The following AKAP13 variants were observed in gnomAD, a reference collection of about 807,000 sequenced individuals.
AKAP13 encodes the protein A-kinase anchoring protein 13.
AKAP13 carries 80 observed loss-of-function variants against 264.5 expected under a neutral mutation model. The observed-to-expected ratio is 0.30, with a 90% CI of 0.25 to 0.36. The LOEUF is 0.36. AKAP13 is among the 10% of genes least tolerant of loss of function. The pLI is 1.00. For synonymous variants in AKAP13, 1,380 were observed against 1,250.2 expected, an observed-to-expected ratio of 1.10 and a Z score of -2.19; for missense variants, 3,712 against 3,435.2, an observed-to-expected ratio of 1.08 and a Z score of -2.01.
At chr15:85,634,949 A>C (rs999621094) in intron 8 of AKAP13, 2 of 390,412 alleles carry the variant, frequency 5.1e-6, no homozygotes, top group African/African-American at 4.1e-5. Context: ...TGGATATATT[A>C]TAATTTGCTT....
At chr15:85,664,284 G>A (rs2083484380) in intron 12 of AKAP13, among the ~76,000 whole-genome samples, 1 of 152,138 alleles carries the variant, frequency 6.6e-6, no homozygotes, top group African/African-American at 2.4e-5. Flanking sequence ...TGTCCATATA[G>A]TGTGTAGAAA....
In AKAP13 at chr15:85,744,976, G is replaced by C. The variant is rs1205002802; in HGVS notation, c.*299G>C. Reference sequence around the variant, plus strand: ...CTCGTAAGTACAGGTGATGGTTTTGGACACGTCAGGAATTCCTAAAGGCTG... The same window carrying C: ...CTCGTAAGTACAGGTGATGGTTTTGCACACGTCAGGAATTCCTAAAGGCTG... On this transcript the variant is annotated 3_prime_UTR_variant, in exon 37 of 37. Transcript: ENST00000394518. 1 of 299,262 alleles carries C rather than the reference G, an allele frequency of 3.3e-6. No individual in the cohort carries two copies. The highest frequency in any genetic ancestry group is 6.4e-5 in the East Asian group (1 of 15,602). 18.5% of individuals were successfully genotyped at this position (299,262 alleles called of 1,614,324 possible).
intron 30 of AKAP13, among the ~76,000 whole-genome samples, chr15:85,732,478 T>G (rs1159052316): frequency 2.0e-5 from 3 of 149,698 alleles, no homozygotes; most frequent in African/African-American, 7.3e-5. Context: ...ATTATATGTT[T>G]TACATCATAT....
In AKAP13 at chr15:85,744,954, G is replaced by GT. The variant is rs2089324048; in HGVS notation, c.*278dup. On this transcript the variant is annotated 3_prime_UTR_variant, in exon 37 of 37. Transcript: ENST00000394518. ...GGATTACACTGAAAGTAATGGCCTC[G>GT]TAAGTACAGGTGATGGTTTTGGACA... 2.8e-6 allele frequency: 1 copy of GT among 354,672 alleles called. No homozygotes were observed. 22.0% of individuals were successfully genotyped at this position (354,672 alleles called of 1,614,324 possible). A position where few individuals can be genotyped will look rare whatever the true frequency, so the allele number is the denominator to read the frequency against.
chr15:85,394,870 G>C (rs2071037928), intron 1 of AKAP13, among the ~76,000 whole-genome samples: 1 of 152,198 alleles, frequency 6.6e-6, no homozygotes, highest in South Asian at 2.1e-4. Flanking sequence ...CATGAAATGG[G>C]ACAGAGGTTA....
rs374444030 is a variant in AKAP13 at position 85,740,960 on chromosome 15, G to C, written c.7609-86G>C. 7 of 1,513,724 alleles carry C rather than the reference G, an allele frequency of 4.6e-6. No individual in the cohort carries two copies. The East Asian group carries it at 9.1e-5, about 20-fold the overall frequency. The allele number at this position is 1,513,724 out of a possible 1,614,324, so 93.8% of individuals were successfully genotyped here. On this transcript the variant is annotated intron_variant, in intron 34 of 36. Transcript: ENST00000394518. ...GTTCTAGTCCGTCATAGTGCCTGGT[G>C]CCCCCTGCTGTGGGGTCGGGAGGGA...
chr15:85,568,971 A>G (rs944339538), intron 5 of AKAP13, among the ~76,000 whole-genome samples: 1 of 152,208 alleles, frequency 6.6e-6, no homozygotes. Flanking sequence ...GAACTAGACC[A>G]GTGCCTGTAG....
intron 26 of AKAP13, 38 bp downstream of exon 26, chr15:85,723,358 G>A (rs1597179235): frequency 1.3e-6 from 2 of 1,590,458 alleles, no homozygotes; most frequent in South Asian, 1.1e-5. Context: ...ATGTGCCCAG[G>A]TAAAACAGGC....
At chr15:85,487,155 G>GC (rs1422385619) in intron 2 of AKAP13, among the ~76,000 whole-genome samples, 1 of 152,184 alleles carries the variant, frequency 6.6e-6, no homozygotes, top group African/African-American at 2.4e-5. Context: ...AACTTGTTTG[G>GC]CCACAGTTTT....
chr15:85,580,855 T>A lies in AKAP13; in HGVS notation c.2787T>A (p.Asp929Glu), dbSNP rs961958256. 6.8e-6 allele frequency: 11 copies of A among 1,614,032 alleles called. No individual in the cohort carries two copies. Among genetic ancestry groups the A allele is most frequent in the Non-Finnish European group, 9.3e-6 (11 of 1,180,038 alleles). Reference protein sequence around the residue: ...ESSAAQEQDKDKAVTCSSIKE... With the variant: ...ESSAAQEQDKEKAVTCSSIKE... ...CTGCAGCTCAGGAACAAGATAAGGATAAAGCGGTGACCTGTTCCTCTATTA... is the reference window on the plus strand; with the variant it reads ...CTGCAGCTCAGGAACAAGATAAGGAAAAAGCGGTGACCTGTTCCTCTATTA... Residue 929 changes from aspartate to glutamate, a missense_variant, in exon 7 of 37, where the codon GAT becomes GAA. By Grantham distance (45) the Asp-to-Glu change is conservative (BLOSUM62 2). Around this residue, in one of 3 missense-constraint regions of AKAP13, gnomAD observed 2,759 missense variants for 2,411.7 expected, o/e 1.14. Coordinates refer to ENST00000394518, the MANE Select transcript of AKAP13 (RefSeq NM_007200.5).
intron 4 of AKAP13, among the ~76,000 whole-genome samples, chr15:85,543,434 T>C (rs932112030): frequency 6.6e-6 from 1 of 152,212 alleles, no homozygotes; most frequent in Non-Finnish European, 1.5e-5. Context: ...AAAGAACGTG[T>C]GTATGGGTCG....
chr15:85,689,920 G>A (rs1048970329), intron 16 of AKAP13: 1 of 152,254 alleles, frequency 6.6e-6, no homozygotes, highest in African/African-American at 2.4e-5. Context: ...GCCAGTCTCT[G>A]GCTTCCTCTT....
In AKAP13 at chr15:85,581,577, C is replaced by G; in HGVS notation, c.3509C>G (p.Thr1170Ser). Residue 1170 changes from threonine (T) to serine (S), a missense_variant, in exon 7 of 37, where the codon ACC becomes AGC. This residue lies in a region of AKAP13 where 2,759 missense variants were observed against 2,411.7 expected (regional missense o/e 1.14). Transcript: ENST00000394518. ...GKLEGADHSC[T>S]MGDAEEAQID... ...CTGGAGGGAGCAGACCACAGCTGTA[C>G]CATGGGTGACGCTGAGGAAGCCCAA... is the stretch of plus-strand genomic sequence containing the variant. The G allele has an allele frequency of 6.2e-7, 1 of 1,614,144 alleles. No homozygotes were observed. The highest frequency in any genetic ancestry group is 8.5e-7 in the Non-Finnish European group (1 of 1,180,038).
At chr15:85,704,921 T>C (rs2086145684) in intron 17 of AKAP13, among the ~76,000 whole-genome samples, 1 of 152,190 alleles carries the variant, frequency 6.6e-6, no homozygotes, top group African/African-American at 2.4e-5. Context: ...TCTAAAACTG[T>C]CACTGTGAAT....
chr15:85,489,483 G>A (rs2075664611), intron 2 of AKAP13, among the ~76,000 whole-genome samples: 1 of 152,150 alleles, frequency 6.6e-6, no homozygotes, highest in Admixed American at 6.5e-5. Context: ...TGCTGTTTTG[G>A]TGAGGAAAAG....
intron 8 of AKAP13, among the ~76,000 whole-genome samples, chr15:85,586,167 C>G (rs2079333800): frequency 6.6e-6 from 1 of 151,358 alleles, no homozygotes; most frequent in South Asian, 2.1e-4. Context: ...CCTTTTCTTT[C>G]TTTTTTTCTT....
chr15:85,615,172 A>T (rs1437151380), intron 8 of AKAP13, among the ~76,000 whole-genome samples: 1 of 152,188 alleles, frequency 6.6e-6, no homozygotes, highest in Non-Finnish European at 1.5e-5. Flanking sequence ...TGTTGCTATT[A>T]TTGTCAGTTA....
At chr15:85,473,616 C>T (rs1840633103) in intron 1 of AKAP13, among the ~76,000 whole-genome samples, 4 of 152,250 alleles carry the variant, frequency 2.6e-5, no homozygotes, top group Middle Eastern at 3.4e-3. Context: ...AACCAAAGAA[C>T]TCAGGTTGCT....
chr15:85,713,018 C>T (rs908853142), intron 19 of AKAP13, among the ~76,000 whole-genome samples: 2 of 152,128 alleles, frequency 1.3e-5, no homozygotes, highest in South Asian at 2.1e-4. Context: ...TAAAAGGGGA[C>T]GATAATAGTA....
Sources: gnomAD v4.1 joint callset for allele counts (sites outside exome capture counted in the v4.1 genomes callset) on GRCh38, gnomAD v4.1.1 for gene constraint, gnomAD v4.1.1 regional missense constraint, MANE v1.5 for transcripts, NCBI Gene and HGNC (gene_info 2026-07-23, HGNC 2026-07-21) for gene names.